Variants in SLC12A6 observed in about 807,000 individuals in gnomAD.
SLC12A6 encodes the protein K-Cl cotransporter 3.
SLC12A6 carries 66 observed loss-of-function variants against 135.3 expected under a neutral mutation model. That is an observed-to-expected ratio of 0.49 (90% confidence interval 0.40 to 0.60). The LOEUF is 0.60. Among genes scored for constraint, SLC12A6 ranks in the 20% least tolerant of loss-of-function variants. SLC12A6 has a pLI of 0.00. For missense variants in SLC12A6, 1,058 were observed against 1,452.3 expected (o/e 0.73, Z 4.41); for synonymous variants, 513 against 508.8 (o/e 1.01, Z -0.11).
chr15:34,264,813 T>C (rs1490841203), intron 3 of SLC12A6, among the ~76,000 whole-genome samples: 1 of 152,230 alleles, frequency 6.6e-6, no homozygotes, highest in Admixed American at 6.5e-5. Context: ...ATTCTACTTT[T>C]CTGTACCTTT....
At chr15:34,285,817 T>C (rs1005080114) in intron 2 of SLC12A6, among the ~76,000 whole-genome samples, 2 of 151,452 alleles carry the variant, frequency 1.3e-5, no homozygotes, top group African/African-American at 4.9e-5. Flanking sequence ...CTAAATCAAA[T>C]AAGCTAGTCA....
At chr15:34,237,377 T>C (rs765275704) in intron 22 of SLC12A6, 42 bp downstream of exon 22, 1 of 1,576,372 alleles carries the variant, frequency 6.3e-7, no homozygotes, top group Non-Finnish European at 8.7e-7. Context: ...GGGAGAGGAA[T>C]GGGGGAATGA....
At chr15:34,309,621 T>C (rs981083594) in intron 2 of SLC12A6, among the ~76,000 whole-genome samples, 1 of 152,114 alleles carries the variant, frequency 6.6e-6, no homozygotes, top group African/African-American at 2.4e-5. Flanking sequence ...CTAAACAAAG[T>C]TTTAAAATGT....
At chr15:34,298,622 CAG>C (rs143172076) in intron 2 of SLC12A6, among the ~76,000 whole-genome samples, 7,429 of 151,774 alleles carry the variant, frequency 0.049, 598 homozygotes, top group African/African-American at 0.17. Flanking sequence ...AGAGACATTC[CAG>C]AGATAAAATA....
At chr15:34,256,192 A>G in intron 7 of SLC12A6, 37 bp downstream of exon 7, 1 of 1,341,694 alleles carries the variant, frequency 7.5e-7, no homozygotes, top group Non-Finnish European at 1.1e-6. Context: ...CAGAGTCAAC[A>G]CTGATAAATC....
At chr15:34,266,861 A>G (rs886681813) in intron 3 of SLC12A6, among the ~76,000 whole-genome samples, 1 of 152,176 alleles carries the variant, frequency 6.6e-6, no homozygotes, top group Admixed American at 6.5e-5. Context: ...TGGATTTTTA[A>G]AAGTCTGACA....
intron 16 of SLC12A6, among the ~76,000 whole-genome samples, chr15:34,242,565 C>T (rs1246672702): frequency 2.0e-5 from 3 of 152,294 alleles, no homozygotes; most frequent in Middle Eastern, 6.8e-3. Context: ...AATAACGGAA[C>T]ACTATCAGTC....
chr15:34,300,038 C>T (rs569718219), intron 2 of SLC12A6, among the ~76,000 whole-genome samples: 21 of 151,356 alleles, frequency 1.4e-4, no homozygotes, highest in African/African-American at 2.9e-4. Flanking sequence ...CAAAAATCGG[C>T]GAGAAAGAAA....
At chr15:34,320,915 ATAAATACAAT>A (rs1233272776) in intron 2 of SLC12A6, among the ~76,000 whole-genome samples, 3 of 146,254 alleles carry the variant, frequency 2.1e-5, no homozygotes, top group Admixed American at 1.3e-4. Flanking sequence ...CTCAAAAAAA[ATAAATACAAT>A]AAAATAAAAT....
At position 34,331,431 on chromosome 15, in the gene SLC12A6, G is replaced by A. The variant is rs971990166; in HGVS notation, c.271+4979C>T. ...GCTGAGATTACAGGCGTGAGCCACC[G>A]CGCCCAGCCTAGAGGCATTTTTTGA... is the stretch of plus-strand genomic sequence containing the variant. On this transcript the variant is annotated intron_variant, in intron 2 of 25. Transcript: ENST00000354181. 8.5e-5 allele frequency among the ~76,000 whole-genome samples: 13 copies of A among 152,214 alleles called. 1 individual carries two copies. Among genetic ancestry groups the A allele is most frequent in the Non-Finnish European group, 1.5e-4 (10 of 68,042 alleles).
At chr15:34,249,166 A>G (rs945051858) in intron 13 of SLC12A6, among the ~76,000 whole-genome samples, 1 of 152,228 alleles carries the variant, frequency 6.6e-6, no homozygotes, top group Non-Finnish European at 1.5e-5. Flanking sequence ...GGAGATTATT[A>G]CAATAACATA....
chr15:34,326,784 C>T (rs984335388), intron 2 of SLC12A6, among the ~76,000 whole-genome samples: 1 of 147,724 alleles, frequency 6.8e-6, no homozygotes, highest in African/African-American at 2.5e-5. Flanking sequence ...CTTGACCTCT[C>T]GGACTCAAGC....
Position 34,260,911 on chromosome 15 carries a change from TC to T in SLC12A6, c.411+14del, listed in dbSNP as rs765628123. On this transcript the variant is annotated intron_variant, in intron 4 of 25. Transcript: ENST00000354181. ...TTCCTAAAGTCTCAGTCCATAGTTT[TC>T]TCCAAAATATTACCTCAAAGAGTGC... 5 of 1,072,272 alleles carry T rather than the reference TC, an allele frequency of 4.7e-6. No homozygotes were observed. Among genetic ancestry groups the T allele is most frequent in the South Asian group, 2.5e-5 (2 of 80,302 alleles). The allele number at this position is 1,072,272 out of a possible 1,614,324, so 66.4% of individuals were successfully genotyped here.
chr15:34,257,438 A>C (rs865793449), intron 6 of SLC12A6: 2 of 546,940 alleles, frequency 3.7e-6, no homozygotes, highest in African/African-American at 3.8e-5. Flanking sequence ...TTTCTAGTAC[A>C]TCATATAATA....
intron 2 of SLC12A6, among the ~76,000 whole-genome samples, chr15:34,306,412 A>G (rs1411744569): frequency 1.3e-5 from 2 of 152,160 alleles, no homozygotes; most frequent in African/African-American, 4.8e-5. Context: ...GAATTCATGG[A>G]TATCTACCAA....
At chr15:34,266,501 G>T (rs1031148660) in intron 3 of SLC12A6, among the ~76,000 whole-genome samples, 2 of 152,046 alleles carry the variant, frequency 1.3e-5, no homozygotes, top group Non-Finnish European at 2.9e-5. Flanking sequence ...GAGTACAGTG[G>T]TGCGATCACA....
chr15:34,287,895 T>C (rs539199749), intron 2 of SLC12A6, among the ~76,000 whole-genome samples: 3 of 152,334 alleles, frequency 2.0e-5, no homozygotes, highest in South Asian at 2.1e-4. Flanking sequence ...GTCAGATGGA[T>C]AGATAGCAAA....
chr15:34,229,924 G>C lies in SLC12A6; in HGVS notation c.*3957C>G, dbSNP rs756260507. The C allele has an allele frequency of 1.3e-6, 1 of 799,572 alleles. No individual in the cohort carries two copies. Among genetic ancestry groups the C allele is most frequent in the South Asian group, 1.4e-5 (1 of 69,270 alleles). The allele number at this position is 799,572 out of a possible 1,614,324, so 49.5% of individuals were successfully genotyped here. On this transcript the variant is annotated 3_prime_UTR_variant, in exon 26 of 26. Transcript: ENST00000354181. ...ACCAAAAGACTCTTTTCTCCATGGT[G>C]GGGTGACAGGTCCTAGAAGGACAAT...
At chr15:34,250,186 T>C (rs1032212261) in intron 13 of SLC12A6, 112 bp downstream of exon 13, 1 of 789,466 alleles carries the variant, frequency 1.3e-6, no homozygotes, top group African/African-American at 1.7e-5. Context: ...ATTACAGGCA[T>C]GAGCCACGGT....
Sources: allele counts gnomAD v4.1 joint callset (sites outside exome capture counted in the v4.1 genomes callset), GRCh38; gene constraint gnomAD v4.1.1; transcripts MANE v1.5; gene names NCBI Gene and HGNC (gene_info 2026-07-23, HGNC 2026-07-21).